TUT7: variants seen among roughly 807,000 people sequenced by gnomAD.
TUT7 encodes terminal uridylyltransferase 7.
TUT7 carries 33 observed loss-of-function variants against 165.9 expected under a neutral mutation model. The observed-to-expected ratio is 0.20, with a 90% CI of 0.15 to 0.27. TUT7 has a LOEUF of 0.27. Among genes scored for constraint, TUT7 ranks in the 10% least tolerant of loss-of-function variants. The probability of loss-of-function intolerance (pLI) is 1.00; values close to 1 mark genes in which losing one functional copy is unlikely to be tolerated. For missense variants in TUT7, 1,338 were observed against 1,762.3 expected, an observed-to-expected ratio of 0.76 and a Z score of 4.31; for synonymous variants, 552 against 608.1, an observed-to-expected ratio of 0.91 and a Z score of 1.36.
At chr9:86,349,263 G>A (rs906546044) in intron 2 of TUT7, among the ~76,000 whole-genome samples, 13 of 150,620 alleles carry the variant, frequency 8.6e-5, no homozygotes, top group African/African-American at 2.7e-4. Context: ...TGGGCGACAA[G>A]AGTGAAACTC....
At chr9:86,328,692 G>A (rs1301438515) in intron 10 of TUT7, among the ~76,000 whole-genome samples, 200 bp from the exon 11 acceptor site, 2 of 152,148 alleles carry the variant, frequency 1.3e-5, no homozygotes, top group East Asian at 3.8e-4. Context: ...AAAAGAAATG[G>A]TGACTTTGTG....
Position 86,323,601 on chromosome 9 carries a change from T to A in TUT7, c.2149A>T (p.Ile717Phe). The change falls in exon 13 of 27, where the codon ATC becomes TTC. Residue 717 changes from isoleucine (I) to phenylalanine (F), a missense_variant. Physicochemically the swap from Ile to Phe is conservative, Grantham distance 21. Around this residue, in one of 7 missense-constraint regions of TUT7, gnomAD observed 425 missense variants for 474.9 expected, o/e 0.89. Transcript: ENST00000375963. Reference protein sequence around the residue: ...PPKEEMGNEHISVHPENSDCI... With the variant: ...PPKEEMGNEHFSVHPENSDCI... ...TCTGAGTTTTCAGGGTGGACACTGA[T>A]GTGTTCATTTCCCATTTCTTCTTTT... is the stretch of plus-strand genomic sequence containing the variant. The A allele has an allele frequency of 1.2e-6, 2 of 1,614,250 alleles. No individual in the cohort carries two copies.
At chr9:86,298,904 A>C in intron 26 of TUT7, 1 of 733,330 alleles carries the variant, frequency 1.4e-6, no homozygotes, top group Non-Finnish European at 1.7e-6. Flanking sequence ...CCGAAACCAT[A>C]TCCAAGGAGA....
chr9:86,298,245 T>C (rs185497730), intron 26 of TUT7, among the ~76,000 whole-genome samples: 5 of 152,266 alleles, frequency 3.3e-5, no homozygotes, highest in African/African-American at 9.6e-5. Flanking sequence ...GCAGAGTAAA[T>C]GAGAGAAGGG....
chr9:86,309,785 T>C (rs1827854990), intron 19 of TUT7, 143 bp downstream of exon 19: 1 of 932,236 alleles, frequency 1.1e-6, no homozygotes, highest in Non-Finnish European at 1.6e-6. Flanking sequence ...AACAAAATTT[T>C]AGCTTTCTTC....
At chr9:86,312,044 C>T (rs181315115) in intron 17 of TUT7, among the ~76,000 whole-genome samples, 2,120 of 152,326 alleles carry the variant, frequency 0.014, 33 homozygotes, top group Middle Eastern at 0.095. Context: ...GCCGCCACCC[C>T]GTCTGGGAAG....
Position 86,345,100 on chromosome 9 carries a change from T to C in TUT7, c.874A>G (p.Ile292Val). The change falls in exon 5 of 27, where the codon ATA (isoleucine) becomes GTA (valine). Residue 292 changes from isoleucine (I) to valine (V), a missense_variant. Ile to Val is a conservative substitution (Grantham distance 29). Coordinates refer to ENST00000375963, the MANE Select transcript of TUT7 (RefSeq NM_024617.4). ...TTLPPPTPSQ[I>V]NAVGIAIDKV... ...TCAATGGCAATGCCAACTGCATTTA[T>C]CTGGGAGGGTGTTGGTGGGGGTAAC... is the stretch of plus-strand genomic sequence containing the variant. 6.2e-7 allele frequency: 1 copy of C among 1,613,840 alleles called. No homozygotes were observed.
At chr9:86,293,568 T>A (rs1424147010) in intron 26 of TUT7, among the ~76,000 whole-genome samples, 2 of 152,050 alleles carry the variant, frequency 1.3e-5, no homozygotes, top group Non-Finnish European at 2.9e-5. Flanking sequence ...CCCAATGAAG[T>A]CAGGGTATGG....
rs146225169 is a variant in TUT7 at position 86,323,599 on chromosome 9, G to A, written c.2151C>T (p.Ile717=). 1.9e-6 allele frequency: 3 copies of A among 1,614,180 alleles called. No individual in the cohort carries two copies. The highest frequency in any genetic ancestry group is 2.2e-5 in the South Asian group (2 of 91,078). ...AGTCTGAGTTTTCAGGGTGGACACT[G>A]ATGTGTTCATTTCCCATTTCTTCTT... ...PPKEEMGNEH[I]SVHPENSDCI... The change falls in exon 13 of 27, where the codon ATC becomes ATT. Residue 717 remains isoleucine, a synonymous_variant. Transcript: ENST00000375963.
chr9:86,305,054 G>A, intron 23 of TUT7, 107 bp from the exon 24 acceptor site: 1 of 1,171,892 alleles, frequency 8.5e-7, no homozygotes, highest in Non-Finnish European at 1.2e-6. Flanking sequence ...CTAGCACTCT[G>A]GGAGGCTGGG....
At chr9:86,337,909 C>G (rs933634812) in intron 9 of TUT7, among the ~76,000 whole-genome samples, 1 of 152,180 alleles carries the variant, frequency 6.6e-6, no homozygotes, top group African/African-American at 2.4e-5. Flanking sequence ...CAATGGTCCT[C>G]TTACCCTAAC....
At chr9:86,343,817 T>A (rs1049185565) in intron 5 of TUT7, among the ~76,000 whole-genome samples, 1 of 152,242 alleles carries the variant, frequency 6.6e-6, no homozygotes, top group Non-Finnish European at 1.5e-5. Flanking sequence ...ATATGAGTAC[T>A]ATCTATAGTA....
intron 14 of TUT7, among the ~76,000 whole-genome samples, chr9:86,321,721 C>T (rs1288690183): frequency 6.6e-6 from 1 of 152,062 alleles, no homozygotes; most frequent in Admixed American, 6.6e-5. Context: ...CGAGCAAGAC[C>T]CTGTCTCACC....
At chr9:86,350,454 A>T (rs1302941799) in intron 2 of TUT7, among the ~76,000 whole-genome samples, 2 of 152,266 alleles carry the variant, frequency 1.3e-5, no homozygotes, top group African/African-American at 4.8e-5. Context: ...TTAAATATAC[A>T]CAATTTTTAA....
chr9:86,335,032 G>T (rs1395517801), intron 10 of TUT7, among the ~76,000 whole-genome samples: 1 of 152,166 alleles, frequency 6.6e-6, no homozygotes, highest in African/African-American at 2.4e-5. Context: ...TTTGCAGAAG[G>T]ATCACTTGAT....
rs534330196 is a variant in TUT7 at position 86,327,970 on chromosome 9, G to A, written c.1608+370C>T. Among the ~76,000 whole-genome samples the A allele has an allele frequency of 1.3e-4, 20 of 152,168 alleles. No individual in the cohort carries two copies. The South Asian group carries it at 1.5e-3, about 11-fold the overall frequency. On this transcript the variant is annotated intron_variant, in intron 11 of 26. Coordinates refer to ENST00000375963, the MANE Select transcript of TUT7 (RefSeq NM_024617.4). ...TGCCCACCCCCAACAGTATGGGACC[G>A]GTACATTAAATCATATATGCATTCA...
At chr9:86,290,780 G>A (rs1327779976) in intron 26 of TUT7, among the ~76,000 whole-genome samples, 1 of 151,284 alleles carries the variant, frequency 6.6e-6, no homozygotes, top group South Asian at 2.1e-4. Flanking sequence ...AGAATTGCTC[G>A]AACCCAGGAG....
rs184291208 is a variant in TUT7 at position 86,344,020 on chromosome 9, T to G, written c.998-857A>C. The stretch of plus-strand genomic sequence containing the variant: ...AAATCATCAGAATTACAACTGACTT[T>G]TCAGGAAATACATGTATAATAAAAT... On this transcript the variant is annotated intron_variant, in intron 5 of 26. Transcript: ENST00000375963. 8.5e-5 allele frequency among the ~76,000 whole-genome samples: 13 copies of G among 152,314 alleles called. No homozygotes were observed. The East Asian group carries it at 1.9e-3, about 23-fold the overall frequency.
At chr9:86,339,566 AAG>A (rs2131557342) in intron 8 of TUT7, among the ~76,000 whole-genome samples, 1 of 152,322 alleles carries the variant, frequency 6.6e-6, no homozygotes, top group East Asian at 1.9e-4. Flanking sequence ...GTAACAATAA[AAG>A]AGTGTTTTCC....
Sources: gnomAD v4.1 joint callset for allele counts (sites outside exome capture counted in the v4.1 genomes callset) on GRCh38, gnomAD v4.1.1 for gene constraint, gnomAD v4.1.1 regional missense constraint, MANE v1.5 for transcripts, NCBI Gene and HGNC (gene_info 2026-07-23, HGNC 2026-07-21) for gene names.